SLC35F4: variants seen among roughly 807,000 people sequenced by gnomAD.
The protein encoded by SLC35F4 is solute carrier family 35 member F4.
SLC35F4 carries 24 observed loss-of-function variants against 44.2 expected under a neutral mutation model. The observed-to-expected ratio is 0.54, with a 90% CI of 0.39 to 0.76. The LOEUF is 0.76. Ranked by LOEUF, SLC35F4 falls within the 30% of genes least tolerant of loss-of-function variation. The pLI is 0.00. For synonymous variants in SLC35F4, 238 were observed against 223.6 expected (o/e 1.06, Z -0.57); for missense variants, 562 against 586.1 (o/e 0.96, Z 0.42).
At position 57,632,339 on chromosome 14, in the gene SLC35F4, G is replaced by A. The variant is rs185684131; in HGVS notation, c.104-38215C>T. 3.2e-3 allele frequency among the ~76,000 whole-genome samples: 492 copies of A among 151,916 alleles called. 4 individuals carry two copies. Among genetic ancestry groups the A allele is most frequent in the Non-Finnish European group, 5.0e-3 (343 of 67,948 alleles). On this transcript the variant is annotated intron_variant, in intron 1 of 7. Transcript: ENST00000556826. ...AGGACCCAGCTTATTTTATGCTTGTGTAAATCAAGCAAACATGTTATAATA... is the reference window on the plus strand; with the variant it reads ...AGGACCCAGCTTATTTTATGCTTGTATAAATCAAGCAAACATGTTATAATA...
At chr14:57,752,069 C>G (rs555843123) in intron 1 of SLC35F4, among the ~76,000 whole-genome samples, 26 of 152,232 alleles carry the variant, frequency 1.7e-4, no homozygotes, top group Admixed American at 1.6e-3. Flanking sequence ...CAGCTCGTCT[C>G]TCTCCTCACA....
At chr14:57,671,221 T>A (rs907009997) in intron 1 of SLC35F4, among the ~76,000 whole-genome samples, 1 of 152,130 alleles carries the variant, frequency 6.6e-6, no homozygotes, top group Non-Finnish European at 1.5e-5. Context: ...GCACTGGAAC[T>A]GCCTCACCCA....
intron 1 of SLC35F4, among the ~76,000 whole-genome samples, chr14:57,787,892 G>T (rs1331200067): frequency 6.6e-6 from 1 of 152,110 alleles, no homozygotes; most frequent in Non-Finnish European, 1.5e-5. Context: ...GCAACAAAGA[G>T]CTGGATGAAT....
At chr14:57,567,106 A>T (rs930923599) in intron 6 of SLC35F4, among the ~76,000 whole-genome samples, 4 of 152,246 alleles carry the variant, frequency 2.6e-5, no homozygotes, top group Non-Finnish European at 5.9e-5. Flanking sequence ...CTGTCTCCAC[A>T]TTCTGATTTG....
intron 1 of SLC35F4, among the ~76,000 whole-genome samples, chr14:57,940,464 C>G (rs915562720): frequency 5.9e-5 from 9 of 152,190 alleles, no homozygotes; most frequent in Non-Finnish European, 1.2e-4. Context: ...TTGATTTTCT[C>G]AAAGCACTTT....
intron 1 of SLC35F4, among the ~76,000 whole-genome samples, chr14:57,615,480 AAAGGACATAGTTT>A (rs2140068148): frequency 6.6e-6 from 1 of 152,310 alleles, no homozygotes; most frequent in African/African-American, 2.4e-5. Flanking sequence ...GGCTTTTGCC[AAAGGACATAGTTT>A]TAAAAATCCA....
chr14:57,818,620 G>A (rs1272752656), intron 1 of SLC35F4, among the ~76,000 whole-genome samples: 1 of 152,130 alleles, frequency 6.6e-6, no homozygotes, highest in Non-Finnish European at 1.5e-5. Flanking sequence ...TGAAATCTCA[G>A]CAACCATGGT....
At chr14:57,982,848 A>T (rs532427976), upstream of SLC35F4, among the ~76,000 whole-genome samples, 5 of 152,194 alleles carry the variant, frequency 3.3e-5, no homozygotes, top group African/African-American at 1.2e-4. Context: ...GTACCACCCC[A>T]AAATTACATG....
At chr14:57,592,445 A>C (rs558582981) in intron 2 of SLC35F4, among the ~76,000 whole-genome samples, 1 of 152,314 alleles carries the variant, frequency 6.6e-6, no homozygotes, top group African/African-American at 2.4e-5. Flanking sequence ...AGAAAGAGTA[A>C]CTTATGTTCC....
At chr14:57,897,036 A>G (rs1888888362) in intron 1 of SLC35F4, among the ~76,000 whole-genome samples, 1 of 152,148 alleles carries the variant, frequency 6.6e-6, no homozygotes, top group South Asian at 2.1e-4. Flanking sequence ...TTCATCCCCT[A>G]CTGTGAGTTA....
At position 57,914,432 on chromosome 14, in the gene SLC35F4, G is replaced by A. The variant is rs192664943; in HGVS notation, n.282+67481C>T. 5.2e-3 allele frequency among the ~76,000 whole-genome samples: 788 copies of A among 152,160 alleles called. 2 individuals are homozygous for A. Among genetic ancestry groups the A allele is most frequent in the Non-Finnish European group, 7.5e-3 (508 of 67,996 alleles). On this transcript the variant is annotated intron_variant and non_coding_transcript_variant, in intron 1 of 1. Transcript: ENST00000556568. ...CAGAAAATAAGCCGGGCATGGTGGC[G>A]GGCGCCTGTAGTCTCAGCTACTCGG...
At chr14:57,905,589 C>T (rs1477016843) in intron 1 of SLC35F4, among the ~76,000 whole-genome samples, 1 of 152,154 alleles carries the variant, frequency 6.6e-6, no homozygotes, top group East Asian at 1.9e-4. Context: ...AAGTCAGGAA[C>T]TTATTGCAAA....
intron 1 of SLC35F4, among the ~76,000 whole-genome samples, chr14:57,813,590 G>A (rs1374341623): frequency 1.3e-5 from 2 of 152,070 alleles, no homozygotes; most frequent in African/African-American, 2.4e-5. Flanking sequence ...AAATATTAAT[G>A]CTTCCTTATA....
chr14:57,961,034 G>C (rs1428118742), intron 1 of SLC35F4, among the ~76,000 whole-genome samples: 1 of 152,126 alleles, frequency 6.6e-6, no homozygotes, highest in Non-Finnish European at 1.5e-5. Context: ...GCTGGCAATG[G>C]ACCCCCAACT....
At chr14:57,785,481 T>C (rs1566851971) in intron 1 of SLC35F4, among the ~76,000 whole-genome samples, 1 of 152,102 alleles carries the variant, frequency 6.6e-6, no homozygotes, top group African/African-American at 2.4e-5. Context: ...GTGTTGTGAA[T>C]TTTAGCTCCA....
rs577618885 is a variant in SLC35F4, at chr14:57,951,834, G to T, written n.282+30079C>A. On this transcript the variant is annotated intron_variant and non_coding_transcript_variant, in intron 1 of 1. Transcript: ENST00000556568. ...CATCTCCCTGGGACAGAGCACCAGAGGGAAGAGGCGGCTATGGGCACAGCT... is the reference window on the plus strand; with the variant it reads ...CATCTCCCTGGGACAGAGCACCAGATGGAAGAGGCGGCTATGGGCACAGCT... 1.2e-4 allele frequency among the ~76,000 whole-genome samples: 19 copies of T among 152,352 alleles called. No individual in the cohort carries two copies. The East Asian group carries it at 3.3e-3, about 26-fold the overall frequency.
At chr14:57,648,248 A>T (rs963880853) in intron 1 of SLC35F4, among the ~76,000 whole-genome samples, 1 of 152,162 alleles carries the variant, frequency 6.6e-6, no homozygotes, top group African/African-American at 2.4e-5. Context: ...TATAGCATGG[A>T]AAATATGGAC....
intron 1 of SLC35F4, among the ~76,000 whole-genome samples, chr14:57,754,750 A>G (rs147436496): frequency 4.7e-4 from 72 of 152,354 alleles, no homozygotes; most frequent in African/African-American, 1.6e-3. Context: ...TATAGCAAAG[A>G]TAAGAATCAG....
upstream of SLC35F4, among the ~76,000 whole-genome samples, chr14:57,868,633 G>A (rs949079382): frequency 2.6e-5 from 4 of 151,890 alleles, no homozygotes; most frequent in South Asian, 6.2e-4. Flanking sequence ...CCGACACCAC[G>A]CCCAGCTAAT....
Sources: gnomAD v4.1 joint callset for allele counts (sites outside exome capture counted in the v4.1 genomes callset) on GRCh38, gnomAD v4.1.1 for gene constraint, MANE v1.5 for transcripts, NCBI Gene and HGNC (gene_info 2026-07-23, HGNC 2026-07-21) for gene names.